The following DTD1 variants were observed in gnomAD, a reference collection of about 807,000 sequenced individuals.
The protein encoded by DTD1 is D-tyrosyl-tRNA deacylase 1 homolog.
DTD1 carries 13 observed loss-of-function variants against 25.6 expected under a neutral mutation model. That is an observed-to-expected ratio of 0.51 (90% confidence interval 0.33 to 0.81). DTD1 has a LOEUF of 0.81. Among genes scored for constraint, DTD1 ranks in the 30% least tolerant of loss-of-function variants. DTD1 has a pLI of 0.02. For missense variants in DTD1, 193 were observed against 266.4 expected, an observed-to-expected ratio of 0.72 and a Z score of 1.92; for synonymous variants, 110 against 103.6, an observed-to-expected ratio of 1.06 and a Z score of -0.37.
At chr20:18,667,493 C>T (rs1323079295) in intron 4 of DTD1, among the ~76,000 whole-genome samples, 1 of 152,196 alleles carries the variant, frequency 6.6e-6, no homozygotes. Context: ...GCTCTGCTGG[C>T]AGTTCCCCTC....
chr20:18,677,450 C>G (rs1481108338), intron 4 of DTD1, among the ~76,000 whole-genome samples: 1 of 152,120 alleles, frequency 6.6e-6, no homozygotes, highest in Non-Finnish European at 1.5e-5. Flanking sequence ...TTTAAGAACA[C>G]TTGACACAGA....
At chr20:18,609,660 A>G (rs1351005045) in intron 3 of DTD1, among the ~76,000 whole-genome samples, 1 of 152,064 alleles carries the variant, frequency 6.6e-6, no homozygotes, top group Non-Finnish European at 1.5e-5. Context: ...CCTCCTTGGC[A>G]TTTCCTTTTA....
chr20:18,664,541 G>C (rs1451098215), intron 4 of DTD1, among the ~76,000 whole-genome samples: 1 of 152,184 alleles, frequency 6.6e-6, no homozygotes, highest in Non-Finnish European at 1.5e-5. Flanking sequence ...CTGCGGTGAT[G>C]CTGTCCTGAA....
chr20:18,722,857 T>C (rs2061209672), intron 4 of DTD1, among the ~76,000 whole-genome samples: 1 of 152,226 alleles, frequency 6.6e-6, no homozygotes, highest in Non-Finnish European at 1.5e-5. Flanking sequence ...CCCAAATTTA[T>C]TTATCAGTTT....
chr20:18,660,510 C>T (rs1158552890), intron 4 of DTD1, among the ~76,000 whole-genome samples: 2 of 151,744 alleles, frequency 1.3e-5, no homozygotes, highest in East Asian at 1.9e-4. Flanking sequence ...CATGAGCCAC[C>T]GTGGGTGGCC....
intron 5 of DTD1, among the ~76,000 whole-genome samples, chr20:18,756,702 G>A (rs1279000979): frequency 2.6e-5 from 4 of 151,582 alleles, no homozygotes; most frequent in Non-Finnish European, 1.5e-5. Context: ...GTCAGGTAGT[G>A]TGATGCCTCC....
intron 4 of DTD1, among the ~76,000 whole-genome samples, chr20:18,697,749 A>G (rs1037474459): frequency 1.3e-5 from 2 of 152,200 alleles, no homozygotes; most frequent in Admixed American, 1.3e-4. Flanking sequence ...CAGTGGCGCT[A>G]TCTCGGCTCA....
At chr20:18,678,201 C>T (rs1375270056) in intron 4 of DTD1, among the ~76,000 whole-genome samples, 1 of 152,188 alleles carries the variant, frequency 6.6e-6, no homozygotes, top group Non-Finnish European at 1.5e-5. Context: ...TGTAGATAGC[C>T]TCAGGTTGAT....
chr20:18,695,363 T>C (rs2061067515), intron 4 of DTD1, among the ~76,000 whole-genome samples: 1 of 118,098 alleles, frequency 8.5e-6, no homozygotes, highest in Non-Finnish European at 1.8e-5. Flanking sequence ...TGCAGGTCTC[T>C]GGGAATCTCA....
chr20:18,742,049 A>G (rs998621006), intron 4 of DTD1, among the ~76,000 whole-genome samples: 1 of 151,942 alleles, frequency 6.6e-6, no homozygotes, highest in Non-Finnish European at 1.5e-5. Flanking sequence ...AGACTTGGCT[A>G]TTTTGATATA....
chr20:18,646,473 T>G (rs1048089551), intron 4 of DTD1, among the ~76,000 whole-genome samples: 1 of 152,156 alleles, frequency 6.6e-6, no homozygotes, highest in Non-Finnish European at 1.5e-5. Context: ...TTATTTTTCC[T>G]CATGAAAACC....
chr20:18,621,113 C>T (rs746804769), intron 3 of DTD1, among the ~76,000 whole-genome samples: 3 of 152,200 alleles, frequency 2.0e-5, no homozygotes, highest in African/African-American at 4.8e-5. Flanking sequence ...ATCCAGAATT[C>T]CAAACCGCAT....
Position 18,693,549 on chromosome 20 carries a change from C to G in DTD1, c.478-50551C>G, listed in dbSNP as rs140812915. 5.2e-3 allele frequency among the ~76,000 whole-genome samples: 791 copies of G among 151,718 alleles called. 6 individuals are homozygous for G. The highest frequency in any genetic ancestry group is 0.035 in the South Asian group (168 of 4,788). ...GCACATGCCTGTAATCCCAGCTACTCGGGAGGTTGAGACATGAGAATCGCT... is the reference window on the plus strand; with the variant it reads ...GCACATGCCTGTAATCCCAGCTACTGGGGAGGTTGAGACATGAGAATCGCT... On this transcript the variant is annotated intron_variant, in intron 4 of 5. Transcript: ENST00000377452.
Position 18,661,977 on chromosome 20 carries a change from C to T in DTD1, c.477+33744C>T, listed in dbSNP as rs1184958535. Among the ~76,000 whole-genome samples, 9 of 152,136 alleles carry T rather than the reference C, an allele frequency of 5.9e-5. No homozygotes were observed. The East Asian group carries it at 1.4e-3, about 23-fold the overall frequency. On this transcript the variant is annotated intron_variant, in intron 4 of 5. Transcript: ENST00000377452. Reference sequence around the variant, plus strand: ...GACCAGCCTGGGCAACATAGTGAGACCCTGTCTCTACAAAACATATAAAAA... The same window carrying T: ...GACCAGCCTGGGCAACATAGTGAGATCCTGTCTCTACAAAACATATAAAAA...
intron 4 of DTD1, among the ~76,000 whole-genome samples, chr20:18,741,907 T>G (rs76467513): frequency 6.7e-6 from 1 of 148,500 alleles, no homozygotes; most frequent in Non-Finnish European, 1.5e-5. Flanking sequence ...ATTTTTTTTT[T>G]TTTTTTTTTT....
intron 5 of DTD1, among the ~76,000 whole-genome samples, chr20:18,759,292 G>C (rs2061351756): frequency 6.6e-6 from 1 of 152,104 alleles, no homozygotes; most frequent in African/African-American, 2.4e-5. Context: ...ATGTTAGCTG[G>C]TTATTTTGCT....
Position 18,628,259 on chromosome 20 carries a change from T to G in DTD1, c.477+26T>G, listed in dbSNP as rs764607012. 1.9e-6 allele frequency: 3 copies of G among 1,594,136 alleles called. No homozygotes were observed. The African/African-American group carries it at 4.0e-5, about 21-fold the overall frequency. ...GTAAGCCTGGAGTCTGGTGCCTGGCTCCGTCCCTTGGGTGCCTGTAACATC... is the reference window on the plus strand; with the variant it reads ...GTAAGCCTGGAGTCTGGTGCCTGGCGCCGTCCCTTGGGTGCCTGTAACATC... On this transcript the variant is annotated intron_variant, in intron 4 of 5. Transcript: ENST00000377452.
At chr20:18,628,076 G>A in intron 3 of DTD1, 51 bp from the exon 4 acceptor site, 2 of 1,468,870 alleles carry the variant, frequency 1.4e-6, no homozygotes, top group African/African-American at 1.4e-5. Context: ...GCTTTTGGAT[G>A]GAGTAATCTG....
intron 5 of DTD1, among the ~76,000 whole-genome samples, chr20:18,752,419 G>C (rs139492957): frequency 6.6e-6 from 1 of 152,038 alleles, no homozygotes; most frequent in East Asian, 1.9e-4. Flanking sequence ...AGTTTGTAAT[G>C]ACCTATCTTT....
Sources: allele counts gnomAD v4.1 joint callset (sites outside exome capture counted in the v4.1 genomes callset), GRCh38; gene constraint gnomAD v4.1.1; transcripts MANE v1.5; gene names NCBI Gene and HGNC (gene_info 2026-07-23, HGNC 2026-07-21).